DAG1: variants seen among roughly 807,000 people sequenced by gnomAD.
DAG1 encodes dystroglycan 1.
A neutral mutation model predicts 46.1 loss-of-function variants in DAG1; 8 were observed. The observed-to-expected ratio is 0.17, with a 90% confidence interval of 0.10 to 0.31. The LOEUF is 0.31. Ranked by LOEUF, DAG1 falls within the 10% of genes least tolerant of loss-of-function variation. The pLI is 1.00. For synonymous variants in DAG1, 495 were observed against 481.8 expected (o/e 1.03, Z -0.36); for missense variants, 1,003 against 1,189.9 (o/e 0.84, Z 2.31).
intron 2 of DAG1, 45 bp from the exon 3 acceptor site, chr3:49,530,751 AT>A: frequency 6.2e-7 from 1 of 1,613,846 alleles, no homozygotes; most frequent in African/African-American, 1.3e-5. Flanking sequence ...TATTCAGGTT[AT>A]GCAGTGACAA....
chr3:49,532,465 C>G lies in DAG1; in HGVS notation c.1954C>G (p.Arg652Gly). The part of the protein sequence containing the change: ...CSTITLQNIT[R>G]GSIVVEWTNN... Reference sequence around the variant, plus strand: ...CACCATCACCCTGCAGAATATCACCCGGGGCTCCATCGTGGTGGAATGGAC... The same window carrying G: ...CACCATCACCCTGCAGAATATCACCGGGGGCTCCATCGTGGTGGAATGGAC... Residue 652 changes from arginine to glycine, a missense_variant, in exon 3 of 3, where the codon CGG becomes GGG. Transcript: ENST00000308775. The surrounding 1 kb of genome is among the most constrained non-coding windows in gnomAD (Gnocchi z 5.4). 1 of 1,614,196 alleles carries G rather than the reference C, an allele frequency of 6.2e-7. No homozygotes were observed. The highest frequency in any genetic ancestry group is 8.5e-7 in the Non-Finnish European group (1 of 1,180,042).
chr3:49,469,853 C>T (rs2049458321), upstream of DAG1, among the ~76,000 whole-genome samples: 1 of 152,226 alleles, frequency 6.6e-6, no homozygotes, highest in Non-Finnish European at 1.5e-5. Flanking sequence ...GTTGCTGGGC[C>T]AGTTCGCAGT....
chr3:49,488,816 C>T (rs940470653), intron 1 of DAG1: 18 of 152,068 alleles, frequency 1.2e-4, no homozygotes, highest in African/African-American at 3.6e-4. Flanking sequence ...GTTGGCCAGG[C>T]TGGCCTTGAA....
In DAG1 at chr3:49,529,513, C is replaced by G. The variant is rs73074826; in HGVS notation, c.286-1284C>G. ...GAGGAAGCCCAGGGAACCAGAGGCA[C>G]TGGGGAATCCAGCAGTCAGTGGCTT... is the stretch of plus-strand genomic sequence containing the variant. On this transcript the variant is annotated intron_variant, in intron 2 of 2. Transcript: ENST00000308775. Among the ~76,000 whole-genome samples, 979 of 152,296 alleles carry G rather than the reference C, an allele frequency of 6.4e-3. 3 individuals carry two copies. Among genetic ancestry groups the G allele is most frequent in the Admixed American group, 0.01 (155 of 15,304 alleles).
At position 49,530,779 on chromosome 3, in the gene DAG1, T is replaced by C; in HGVS notation, c.286-18T>C. On this transcript the variant is annotated intron_variant, in intron 2 of 2. Transcript: ENST00000308775. ...CAGTGACAATAGTATTTTTAATTTA[T>C]GCTTGTGTCTCTTCTAGGTATCAGC... 6.2e-7 allele frequency: 1 copy of C among 1,614,234 alleles called. No individual in the cohort carries two copies. Among genetic ancestry groups the C allele is most frequent in the Non-Finnish European group, 8.5e-7 (1 of 1,180,044 alleles).
chr3:49,496,445 C>T (rs2050312401), intron 1 of DAG1, among the ~76,000 whole-genome samples: 1 of 151,436 alleles, frequency 6.6e-6, no homozygotes, highest in South Asian at 2.1e-4. Context: ...ACAACCTCCA[C>T]CTCCCAGGTT....
intron 2 of DAG1, among the ~76,000 whole-genome samples, chr3:49,522,099 G>A (rs1212012250): frequency 1.1e-4 from 16 of 151,460 alleles, no homozygotes; most frequent in South Asian, 4.2e-4. Flanking sequence ...GTGTGATCTC[G>A]GCTCACTGCA....
rs543789993 is a variant in DAG1 at position 49,513,961 on chromosome 3, G to A, written c.285+3142G>A. On this transcript the variant is annotated intron_variant, in intron 2 of 2. Coordinates refer to ENST00000308775, the MANE Select transcript of DAG1 (RefSeq NM_004393.6). ...GATTAATCTTGGCCAGAAGTGCCTT[G>A]AACTGATACAGCAAACTAGATATTT... 2.0e-5 allele frequency among the ~76,000 whole-genome samples: 3 copies of A among 152,250 alleles called. No homozygotes were observed. In the South Asian group the frequency reaches 6.2e-4, roughly 32 times the overall value.
intron 1 of DAG1, among the ~76,000 whole-genome samples, chr3:49,506,854 A>C (rs548976101): frequency 6.6e-6 from 1 of 152,166 alleles, no homozygotes; most frequent in East Asian, 1.9e-4. Flanking sequence ...GCAAATGCCT[A>C]TAGTCCTAGC....
At chr3:49,511,556 C>T (rs2050762234) in intron 2 of DAG1, among the ~76,000 whole-genome samples, 1 of 152,236 alleles carries the variant, frequency 6.6e-6, no homozygotes, top group Non-Finnish European at 1.5e-5. Context: ...ACACTTCACC[C>T]AAGCTGGAGT....
Position 49,532,270 on chromosome 3 carries a change from G to T in DAG1, c.1759G>T (p.Ala587Ser). 1 of 1,614,026 alleles carries T rather than the reference G, an allele frequency of 6.2e-7. No homozygotes were observed. The highest frequency in any genetic ancestry group is 2.2e-5 in the East Asian group (1 of 44,882). Residue 587 changes from alanine (A) to serine (S), a missense_variant, in exon 3 of 3, where the codon GCT (alanine) becomes TCT (serine). Physicochemically the swap from Ala to Ser is moderately conservative, Grantham distance 99 (BLOSUM62 1). Around this residue, in one of 3 missense-constraint regions of DAG1, gnomAD observed 755 missense variants for 854.1 expected, o/e 0.88. Transcript: ENST00000308775. This position sits in a 1 kb window ranked among gnomAD's most constrained non-coding sequence, Gnocchi z 5.4. ...TGCCACAGACAAGGGGGGCCTGTCG[G>T]CTGTGGATGCCTTCGAGATCCACGT... ...MHATDKGGLS[A>S]VDAFEIHVHR...
At chr3:49,509,306 G>A (rs957625475) in intron 1 of DAG1, among the ~76,000 whole-genome samples, 2 of 152,152 alleles carry the variant, frequency 1.3e-5, no homozygotes, top group Non-Finnish European at 2.9e-5. Context: ...GGAGTGGTGT[G>A]CACCTGAAGT....
Position 49,480,986 on chromosome 3 carries a change from C to G in DAG1, c.-117+10553C>G, listed in dbSNP as rs187289537. Among the ~76,000 whole-genome samples the G allele has an allele frequency of 5.0e-4, 73 of 145,778 alleles. 1 individual carries two copies. The East Asian group carries it at 0.015, about 29-fold the overall frequency. ...CCCTGTTAGCCAGGACGGTCTCGAT[C>G]TCCTGACCTCGTGATCCGCCCGCTT... On this transcript the variant is annotated intron_variant, in intron 1 of 2. Transcript: ENST00000308775.
chr3:49,498,352 CAAG>C (rs1406095753), intron 1 of DAG1, among the ~76,000 whole-genome samples: 1 of 151,942 alleles, frequency 6.6e-6, no homozygotes, highest in Non-Finnish European at 1.5e-5. Context: ...CATCTGACGC[CAAG>C]GAGTCAAAAA....
At chr3:49,500,370 G>C (rs2050415986) in intron 1 of DAG1, among the ~76,000 whole-genome samples, 1 of 152,112 alleles carries the variant, frequency 6.6e-6, no homozygotes, top group African/African-American at 2.4e-5. Context: ...CTGGGAGGAA[G>C]GGAGTGCCTG....
At chr3:49,487,307 C>A (rs1161354019) in intron 1 of DAG1, 2 of 152,268 alleles carry the variant, frequency 1.3e-5, no homozygotes, top group Non-Finnish European at 2.9e-5. Context: ...GACGGTTCTT[C>A]CCCCAGTACG....
chr3:49,519,672 T>A (rs1440052025), intron 2 of DAG1, among the ~76,000 whole-genome samples: 1 of 152,110 alleles, frequency 6.6e-6, no homozygotes, highest in Non-Finnish European at 1.5e-5. Flanking sequence ...GGGTGGGCTG[T>A]CAGAATGGCA....
At chr3:49,526,647 G>A (rs2051179606) in intron 2 of DAG1, among the ~76,000 whole-genome samples, 2 of 152,234 alleles carry the variant, frequency 1.3e-5, no homozygotes, top group East Asian at 1.9e-4. Flanking sequence ...AACCCAGGAA[G>A]CAGAGGTTAC....
At position 49,533,861 on chromosome 3, in the gene DAG1, T is replaced by G. The variant is rs931849254; in HGVS notation, c.*662T>G. On this transcript the variant is annotated 3_prime_UTR_variant, in exon 3 of 3. Coordinates refer to ENST00000308775, the MANE Select transcript of DAG1 (RefSeq NM_004393.6). ...TTTCACACTACGTCAACTTGGTTGC[T>G]CTGATACCCCAGAGCCTGATTGGGG... The G allele has an allele frequency of 3.3e-5, 6 of 179,450 alleles. No individual in the cohort carries two copies. The highest frequency in any genetic ancestry group is 5.9e-5 in the Non-Finnish European group (5 of 84,574). The allele number at this position is 179,450 out of a possible 1,614,324, so 11.1% of individuals were successfully genotyped here.
Sources: allele counts gnomAD v4.1 joint callset (sites outside exome capture counted in the v4.1 genomes callset), GRCh38; gene constraint gnomAD v4.1.1; regional missense constraint gnomAD v4.1.1; non-coding constraint Gnocchi (gnomAD v3.1); transcripts MANE v1.5; gene names NCBI Gene and HGNC (gene_info 2026-07-23, HGNC 2026-07-21).